Variants in SAMMSON observed in about 807,000 individuals in gnomAD.
SAMMSON encodes long intergenic non-protein coding RNA 1212.
chr3:70,241,537 C>T (rs774242587), intron 4 of SAMMSON, among the ~76,000 whole-genome samples: 18 of 152,028 alleles, frequency 1.2e-4, no homozygotes, highest in Non-Finnish European at 2.1e-4. Flanking sequence ...ACACTTGAAT[C>T]CTCATAACAT....
intron 4 of SAMMSON, among the ~76,000 whole-genome samples, chr3:70,169,186 A>G (rs749494155): frequency 2.0e-5 from 3 of 152,072 alleles, no homozygotes; most frequent in Non-Finnish European, 4.4e-5. Flanking sequence ...TTTTGCTTAT[A>G]TTGCTACCTA....
chr3:70,139,171 G>A (rs1263407569), intron 4 of SAMMSON, among the ~76,000 whole-genome samples: 1 of 152,130 alleles, frequency 6.6e-6, no homozygotes. Context: ...TGAGTAGCTA[G>A]GACTACAGAC....
intron 4 of SAMMSON, chr3:70,205,476 A>G (rs1289612537): frequency 6.6e-6 from 1 of 152,154 alleles, no homozygotes; most frequent in Non-Finnish European, 1.5e-5. Context: ...CTTACTTTCT[A>G]AAAATGTAAT....
In SAMMSON at chr3:70,122,544, T is replaced by C. The variant is rs76559374; in HGVS notation, n.507+50979T>C. ...TATTAAAGAACATAAAGAATATAGA[T>C]ATGCTTATTAACAAATGTAAAATAA... On this transcript the variant is annotated intron_variant and non_coding_transcript_variant, in intron 4 of 9. Coordinates refer to ENST00000642114, the Ensembl canonical transcript of SAMMSON. 4.1e-4 allele frequency among the ~76,000 whole-genome samples: 63 copies of C among 152,316 alleles called. No homozygotes were observed. The East Asian group carries it at 0.012, about 29-fold the overall frequency.
At chr3:70,235,624 T>G (rs1269761017) in intron 4 of SAMMSON, among the ~76,000 whole-genome samples, 1 of 152,194 alleles carries the variant, frequency 6.6e-6, no homozygotes, top group Non-Finnish European at 1.5e-5. Flanking sequence ...GTTTTTCTCC[T>G]CTTTTAGAGG....
chr3:70,162,108 A>G (rs1344789856), intron 4 of SAMMSON, among the ~76,000 whole-genome samples: 1 of 151,488 alleles, frequency 6.6e-6, no homozygotes, highest in Non-Finnish European at 1.5e-5. Flanking sequence ...GATTTTATTT[A>G]TTTATTTTTC....
chr3:70,261,196 A>G (rs773989341), intron 6 of SAMMSON, among the ~76,000 whole-genome samples: 3 of 152,164 alleles, frequency 2.0e-5, no homozygotes, highest in African/African-American at 4.8e-5. Flanking sequence ...ACTCAAAGAC[A>G]TTTGGTGGTC....
At chr3:70,112,696 T>C (rs2067394615) in intron 4 of SAMMSON, among the ~76,000 whole-genome samples, 1 of 152,160 alleles carries the variant, frequency 6.6e-6, no homozygotes, top group African/African-American at 2.4e-5. Flanking sequence ...GCAAAATAAA[T>C]TGAAATATTT....
chr3:70,402,362 C>T (rs746289003), intron 2 of SAMMSON, among the ~76,000 whole-genome samples: 16 of 152,094 alleles, frequency 1.1e-4, no homozygotes, highest in Non-Finnish European at 2.4e-4. Flanking sequence ...ATATGAATGC[C>T]TACAATATGC....
chr3:70,214,215 T>C (rs190385908), intron 4 of SAMMSON, among the ~76,000 whole-genome samples: 31 of 152,218 alleles, frequency 2.0e-4, no homozygotes, highest in Non-Finnish European at 3.7e-4. Flanking sequence ...ATATTTGACA[T>C]TTTTTCTTTA....
At chr3:70,019,680 A>G (rs1050892360) in intron 3 of SAMMSON, among the ~76,000 whole-genome samples, 8 of 152,192 alleles carry the variant, frequency 5.3e-5, no homozygotes, top group African/African-American at 1.9e-4. Flanking sequence ...CCTAGCATCG[A>G]CGGTCTTTAC....
At chr3:70,310,048 T>A (rs1702441011) in intron 7 of SAMMSON, among the ~76,000 whole-genome samples, 1 of 152,156 alleles carries the variant, frequency 6.6e-6, no homozygotes, top group Non-Finnish European at 1.5e-5. Context: ...GTGAAGAACA[T>A]CTCTATCTTC....
intron 9 of SAMMSON, among the ~76,000 whole-genome samples, chr3:70,369,216 G>A (rs1456793325): frequency 1.3e-5 from 2 of 151,446 alleles, no homozygotes; most frequent in African/African-American, 2.4e-5. Context: ...GTATATTAAC[G>A]CTGTATCCTA....
chr3:70,002,222 G>A (rs1576090859), intron 1 of SAMMSON, among the ~76,000 whole-genome samples: 1 of 152,102 alleles, frequency 6.6e-6, no homozygotes, highest in African/African-American at 2.4e-5. Flanking sequence ...AATGTGTTTT[G>A]TAGAAATACA....
chr3:70,286,539 C>T (rs555415533), intron 6 of SAMMSON, among the ~76,000 whole-genome samples: 283 of 151,830 alleles, frequency 1.9e-3, no homozygotes, highest in African/African-American at 6.5e-3. Context: ...CTTGGTGATG[C>T]GGGCTCTTTT....
intron 2 of SAMMSON, among the ~76,000 whole-genome samples, chr3:70,432,253 G>T (rs112214849): frequency 2.0e-5 from 3 of 151,510 alleles, no homozygotes; most frequent in Non-Finnish European, 4.4e-5. Context: ...ACTCATTGTG[G>T]ATTTTTTTCA....
chr3:70,199,007 G>T (rs768031569), intron 4 of SAMMSON, among the ~76,000 whole-genome samples: 64 of 152,208 alleles, frequency 4.2e-4, no homozygotes, highest in Non-Finnish European at 7.8e-4. Flanking sequence ...TACTATAGCA[G>T]TGGCTGCACT....
intron 4 of SAMMSON, among the ~76,000 whole-genome samples, chr3:70,234,849 C>T (rs926630543): frequency 8.5e-5 from 13 of 152,142 alleles, no homozygotes; most frequent in Non-Finnish European, 1.9e-4. Context: ...GGAATGCCTC[C>T]TCTTCTTCTC....
intron 7 of SAMMSON, among the ~76,000 whole-genome samples, chr3:70,295,384 A>T (rs1333087316): frequency 6.6e-6 from 1 of 152,114 alleles, no homozygotes; most frequent in African/African-American, 2.4e-5. Context: ...CAACCCTTTG[A>T]CTGAATTATT....
Sources: gnomAD v4.1 joint callset for allele counts (sites outside exome capture counted in the v4.1 genomes callset) on GRCh38, gnomAD v4.1.1 for gene constraint, MANE v1.5 for transcripts, NCBI Gene and HGNC (gene_info 2026-07-23, HGNC 2026-07-21) for gene names.